Variants in SACS observed in about 807,000 individuals in gnomAD.
SACS encodes sacsin molecular chaperone.
SACS carries 197 observed loss-of-function variants against 348.0 expected under a neutral mutation model. The observed-to-expected ratio is 0.57, with a 90% CI of 0.50 to 0.64. SACS has a LOEUF of 0.64. Ranked by LOEUF, SACS falls within the 30% of genes least tolerant of loss-of-function variation. The probability of loss-of-function intolerance (pLI) is 0.00; values close to 1 mark genes in which losing one functional copy is unlikely to be tolerated. For synonymous variants in SACS, 1,985 were observed against 1,910.6 expected, an observed-to-expected ratio of 1.04 and a Z score of -1.02; for missense variants, 4,999 against 5,360.8, an observed-to-expected ratio of 0.93 and a Z score of 2.11.
chr13:23,341,045 A>C lies in SACS; in HGVS notation c.2831T>G (p.Leu944Trp). 1 of 1,614,094 alleles carries C rather than the reference A, an allele frequency of 6.2e-7. No individual in the cohort carries two copies. Among genetic ancestry groups the C allele is most frequent in the South Asian group, 1.1e-5 (1 of 91,078 alleles). ...ATGGTGTAAGACTTTACAACCTTTC[A>C]ATTTTGTATAAGAGGAAATTCCCTG... is the stretch of plus-strand genomic sequence containing the variant. ...SDQGISSYTKLKGCKVLHHTA... is the reference protein window; with the variant it reads ...SDQGISSYTKWKGCKVLHHTA... The change falls in exon 10 of 10, where the codon TTG becomes TGG. Residue 944 changes from leucine to tryptophan, a missense_variant. Physicochemically the swap from Leu to Trp is moderately conservative, Grantham distance 61. Transcript: ENST00000382292.
chr13:23,392,743 C>T (rs143662282), intron 2 of SACS, among the ~76,000 whole-genome samples: 18 of 152,186 alleles, frequency 1.2e-4, no homozygotes, highest in East Asian at 3.9e-4. Flanking sequence ...CTAAAGGAGG[C>T]GGAAGGATAT....
intron 1 of SACS, chr13:23,427,948 T>A (rs1232132933): frequency 6.6e-6 from 1 of 152,194 alleles, no homozygotes; most frequent in Non-Finnish European, 1.5e-5. Flanking sequence ...TTTAAGAGTG[T>A]CTTTGGGACT....
In SACS at chr13:23,332,582, A is replaced by G; in HGVS notation, c.11294T>C (p.Met3765Thr). ...TAAGACTTTTGCTCTAGTTTTTACC[A>G]TTTCTTCATCCAACGTCGTTATGTT... ...ICNITTLDEE[M>T]VKTRAKVLRS... Residue 3765 changes from methionine (M) to threonine (T), a missense_variant, in exon 10 of 10, where the codon ATG becomes ACG. Met to Thr is a moderately conservative substitution (Grantham distance 81). Around this residue, in one of 6 missense-constraint regions of SACS, gnomAD observed 831 missense variants for 941.8 expected, o/e 0.88. Coordinates refer to ENST00000382292, the MANE Select transcript of SACS (RefSeq NM_014363.6). The G allele has an allele frequency of 1.2e-6, 2 of 1,613,778 alleles. No individual in the cohort carries two copies.
rs777069169 is a variant in SACS at position 23,371,045 on chromosome 13, TGG to T, written c.259+31_259+32del. On this transcript the variant is annotated intron_variant, in intron 4 of 9. Coordinates refer to ENST00000382292, the MANE Select transcript of SACS (RefSeq NM_014363.6). The stretch of plus-strand genomic sequence containing the variant: ...AACTCAATCTTTGTGCAACCCAACA[TGG>T]TATATACTTCTGGTAAAGTCAATAT... 36 of 1,322,106 alleles carry T rather than the reference TGG, an allele frequency of 2.7e-5. No homozygotes were observed. In the South Asian group the frequency reaches 4.5e-4, roughly 17 times the overall value. 81.9% of individuals were successfully genotyped at this position (1,322,106 alleles called of 1,614,324 possible). A position where few individuals can be genotyped will look rare whatever the true frequency, so the allele number is the denominator to read the frequency against.
chr13:23,398,018 CCT>C (rs1395828947), intron 2 of SACS, among the ~76,000 whole-genome samples: 1 of 150,454 alleles, frequency 6.6e-6, no homozygotes, highest in African/African-American at 2.5e-5. Context: ...ACGGAGAAAC[CCT>C]GTCTCTGCCA....
Position 23,339,032 on chromosome 13 carries a change from G to A in SACS, c.4844C>T (p.Pro1615Leu), listed in dbSNP as rs1185308440. The A allele has an allele frequency of 6.2e-7, 1 of 1,613,522 alleles. No homozygotes were observed. The highest frequency in any genetic ancestry group is 8.5e-7 in the Non-Finnish European group (1 of 1,179,888). Residue 1615 changes from proline (P) to leucine (L), a missense_variant, in exon 10 of 10, where the codon CCT (proline) becomes CTT (leucine). Transcript: ENST00000382292. ...SKQQKRLRKF[P>L]NQFKPFIDVF... ...ATCTATAAATGGTTTGAACTGATTA[G>A]GAAATTTTCTAAGTCTTTTCTGTTG...
intron 6 of SACS, among the ~76,000 whole-genome samples, chr13:23,359,985 TGTGGA>T (rs1284195821): frequency 6.6e-6 from 1 of 152,202 alleles, no homozygotes; most frequent in East Asian, 1.9e-4. Context: ...AAAGGCCTTC[TGTGGA>T]GTGGAGTGGG....
intron 2 of SACS, among the ~76,000 whole-genome samples, chr13:23,383,557 CTT>C (rs937583301): frequency 6.6e-6 from 1 of 152,046 alleles, no homozygotes; most frequent in Non-Finnish European, 1.5e-5. Context: ...CTTTGTACTG[CTT>C]TTTTTGCACC....
In SACS at chr13:23,341,595, T is replaced by G. The variant is rs1227153985; in HGVS notation, c.2281A>C (p.Ile761Leu). ...TCATCAAATGGATACCATTGAACAA[T>G]CAATTCTCTGCCAGGCCAGAATGTA... The part of the protein sequence containing the change: ...MNTFWPGREL[I>L]VQWYPFDENR... The change falls in exon 10 of 10, where the codon ATT (isoleucine) becomes CTT (leucine). Residue 761 changes from isoleucine to leucine, a missense_variant. Ile to Leu is a conservative substitution (Grantham distance 5). Coordinates refer to ENST00000382292, the MANE Select transcript of SACS (RefSeq NM_014363.6). 6.2e-7 allele frequency: 1 copy of G among 1,613,870 alleles called. No homozygotes were observed. The highest frequency in any genetic ancestry group is 1.7e-5 in the Admixed American group (1 of 60,008).
At chr13:23,402,175 C>G (rs1242547950) in intron 2 of SACS, among the ~76,000 whole-genome samples, 1 of 142,324 alleles carries the variant, frequency 7.0e-6, no homozygotes. Context: ...GAGACTCCAT[C>G]TCGAAAAAAA....
chr13:23,431,260 C>T (rs1409322415), intron 1 of SACS, among the ~76,000 whole-genome samples: 2 of 152,150 alleles, frequency 1.3e-5, no homozygotes, highest in Non-Finnish European at 1.5e-5. Context: ...TTAGAGATGG[C>T]GTTAAAAGGC....
chr13:23,360,204 A>G (rs1487609326), intron 6 of SACS, among the ~76,000 whole-genome samples: 1 of 152,182 alleles, frequency 6.6e-6, no homozygotes, highest in African/African-American at 2.4e-5. Context: ...ATCAGCTATC[A>G]TTACTGTTAT....
rs1032774472 is a variant in SACS, at chr13:23,333,697, G to A, written c.10179C>T (p.Cys3393=). 4 of 1,613,494 alleles carry A rather than the reference G, an allele frequency of 2.5e-6. No homozygotes were observed. In the Admixed American group the frequency reaches 6.7e-5, roughly 27 times the overall value. ...DFEALLMYFN[C]NLNHLMSQDD... ...CTTGGGACATCAAATGATTCAAATT[G>A]CAGTTGAAATACATCAAAAGTGCCT... The change falls in exon 10 of 10, where the codon TGC becomes TGT. Residue 3393 remains cysteine (C), a synonymous_variant. Transcript: ENST00000382292.
intron 6 of SACS, among the ~76,000 whole-genome samples, chr13:23,363,283 A>C (rs555684399): frequency 9.9e-5 from 15 of 150,932 alleles, no homozygotes; most frequent in Non-Finnish European, 2.2e-4. Context: ...GCTGGACTGC[A>C]ATAGTGGGGT....
chr13:23,424,836 C>T (rs1874103824), intron 1 of SACS, among the ~76,000 whole-genome samples: 1 of 152,158 alleles, frequency 6.6e-6, no homozygotes, highest in Non-Finnish European at 1.5e-5. Context: ...CCTGAGTTTC[C>T]ATTAAACAAG....
At chr13:23,351,387 G>T (rs1286734043) in intron 9 of SACS, among the ~76,000 whole-genome samples, 4 of 152,166 alleles carry the variant, frequency 2.6e-5, no homozygotes, top group Non-Finnish European at 4.4e-5. Context: ...TGTGTTGTGG[G>T]AAGGACCCGG....
chr13:23,336,106 C>T lies in SACS; in HGVS notation c.7770G>A (p.Val2590=). The change falls in exon 10 of 10, where the codon GTG becomes GTA. Residue 2590 remains valine, a synonymous_variant. Transcript: ENST00000382292. ...WAPLQGPALC[V]YNNQPFTEDD... ...CTTCTGTAAATGGCTGGTTGTTGTA[C>T]ACACAAAGTGCTGGCCCTTGCAATG... is the stretch of plus-strand genomic sequence containing the variant. The T allele has an allele frequency of 1.2e-6, 2 of 1,611,314 alleles. No individual in the cohort carries two copies. Among genetic ancestry groups the T allele is most frequent in the Non-Finnish European group, 1.7e-6 (2 of 1,177,892 alleles).
intron 9 of SACS, among the ~76,000 whole-genome samples, chr13:23,347,088 G>T (rs1869654488): frequency 6.6e-6 from 1 of 152,186 alleles, no homozygotes; most frequent in African/African-American, 2.4e-5. Flanking sequence ...AGAAAGCAAA[G>T]AAAGAATTAT....
chr13:23,341,980 G>T (rs958802946), intron 9 of SACS, among the ~76,000 whole-genome samples: 2 of 151,574 alleles, frequency 1.3e-5, no homozygotes, highest in African/African-American at 2.4e-5. Flanking sequence ...GTAGAGACGG[G>T]GTTTCACCAT....
Sources: allele counts gnomAD v4.1 joint callset (sites outside exome capture counted in the v4.1 genomes callset), GRCh38; gene constraint gnomAD v4.1.1; regional missense constraint gnomAD v4.1.1; transcripts MANE v1.5; gene names NCBI Gene and HGNC (gene_info 2026-07-23, HGNC 2026-07-21).